Variants in CBLB observed in about 807,000 individuals in gnomAD.
The protein encoded by CBLB is E3 ubiquitin-protein ligase CBL-B.
Under a neutral mutation model 104.9 loss-of-function variants are expected in CBLB, and 31 were observed. That is an observed-to-expected ratio of 0.30 (90% CI 0.22 to 0.40). The LOEUF (loss-of-function observed/expected upper bound fraction) is 0.40. CBLB is among the 10% of genes least tolerant of loss of function. The probability of loss-of-function intolerance (pLI) is 1.00; values close to 1 mark genes in which losing one functional copy is unlikely to be tolerated. For synonymous variants in CBLB, 440 were observed against 422.6 expected (o/e 1.04, Z -0.51); for missense variants, 1,062 against 1,214.6 (o/e 0.87, Z 1.87).
At chr3:105,749,221 T>G (rs1412200142) in intron 5 of CBLB, among the ~76,000 whole-genome samples, 2 of 152,166 alleles carry the variant, frequency 1.3e-5, no homozygotes, top group African/African-American at 4.8e-5. Context: ...TAGAAATAAA[T>G]GGAATGATGA....
chr3:105,698,023 A>AT (rs1366647466), intron 12 of CBLB, among the ~76,000 whole-genome samples: 1 of 152,210 alleles, frequency 6.6e-6, no homozygotes, highest in East Asian at 1.9e-4. Context: ...GGTGACTAAA[A>AT]TCTGAGACTT....
chr3:105,667,072 A>G (rs1369414324), intron 18 of CBLB, among the ~76,000 whole-genome samples: 1 of 152,242 alleles, frequency 6.6e-6, no homozygotes, highest in Non-Finnish European at 1.5e-5. Flanking sequence ...ATTCTCCTTT[A>G]AGCTAGTAAA....
At chr3:105,666,860 C>T (rs2064524397) in intron 18 of CBLB, among the ~76,000 whole-genome samples, 1 of 152,008 alleles carries the variant, frequency 6.6e-6, no homozygotes, top group Non-Finnish European at 1.5e-5. Flanking sequence ...GTCTGTAAGC[C>T]CCAGTATTTC....
intron 12 of CBLB, among the ~76,000 whole-genome samples, chr3:105,696,426 TACA>T: frequency 6.6e-6 from 1 of 151,798 alleles, no homozygotes; most frequent in Non-Finnish European, 1.5e-5. Context: ...CCTGAGTGAG[TACA>T]ATAAATCACA....
At position 105,745,990 on chromosome 3, in the gene CBLB, G is replaced by A. The variant is rs1239728667; in HGVS notation, c.772C>T (p.Pro258Ser). Residue 258 changes from proline to serine, a missense_variant, in exon 6 of 19, where the codon CCA becomes TCA. Around this residue, in one of 2 missense-constraint regions of CBLB, gnomAD observed 457 missense variants for 632.0 expected, o/e 0.72. Coordinates refer to ENST00000394030, the MANE Select transcript of CBLB (RefSeq NM_170662.5). Reference sequence around the variant, plus strand: ...TATGTGAGAAATGCCATGTAACCTGGATGTGTCACAGCTAAGAAATTCCAA... The same window carrying A: ...TATGTGAGAAATGCCATGTAACCTGAATGTGTCACAGCTAAGAAATTCCAA... Reference protein sequence around the residue: ...RNWNFLAVTHPGYMAFLTYDE... With the variant: ...RNWNFLAVTHSGYMAFLTYDE... 1 of 1,609,820 alleles carries A rather than the reference G, an allele frequency of 6.2e-7. No individual in the cohort carries two copies. The highest frequency in any genetic ancestry group is 1.7e-5 in the Admixed American group (1 of 60,008).
At chr3:105,712,739 T>C (rs1479171166) in intron 10 of CBLB, among the ~76,000 whole-genome samples, 3 of 152,346 alleles carry the variant, frequency 2.0e-5, no homozygotes, top group East Asian at 1.9e-4. Context: ...ACTTGAAGCA[T>C]GGTTTAACAG....
At chr3:105,668,639 T>C (rs532177111) in intron 18 of CBLB, among the ~76,000 whole-genome samples, 1 of 152,306 alleles carries the variant, frequency 6.6e-6, no homozygotes, top group Non-Finnish European at 1.5e-5. Flanking sequence ...CATGGATACA[T>C]ATGAAACCTT....
At chr3:105,857,746 G>C in intron 2 of CBLB, among the ~76,000 whole-genome samples, 1 of 152,052 alleles carries the variant, frequency 6.6e-6, no homozygotes, top group Non-Finnish European at 1.5e-5. Flanking sequence ...CATTTATGTG[G>C]CAGGCATTGT....
At chr3:105,858,828 C>G (rs907858424) in intron 2 of CBLB, among the ~76,000 whole-genome samples, 23 of 152,054 alleles carry the variant, frequency 1.5e-4, no homozygotes, top group Admixed American at 2.6e-4. Flanking sequence ...GTCTCCATAC[C>G]AATATACAAC....
chr3:105,859,695 C>T (rs1213394030), intron 2 of CBLB, among the ~76,000 whole-genome samples: 2 of 151,134 alleles, frequency 1.3e-5, no homozygotes, highest in Non-Finnish European at 1.5e-5. Flanking sequence ...AAGCCCTGTC[C>T]TCCTCCTATA....
At chr3:105,684,520 C>T (rs1295091573) in intron 14 of CBLB, among the ~76,000 whole-genome samples, 2 of 150,808 alleles carry the variant, frequency 1.3e-5, no homozygotes, top group South Asian at 2.1e-4. Context: ...GAATAAGCCA[C>T]AAAAGTAAGG....
At chr3:105,661,947 A>T (rs1341361166) in intron 18 of CBLB, among the ~76,000 whole-genome samples, 1 of 152,192 alleles carries the variant, frequency 6.6e-6, no homozygotes, top group Non-Finnish European at 1.5e-5. Flanking sequence ...AATGCTATAA[A>T]CCAGCAATTA....
rs777916282 is a variant in CBLB, at chr3:105,734,189, C to T, written c.1072-49G>A. 7.5e-6 allele frequency: 12 copies of T among 1,592,696 alleles called. No homozygotes were observed. In the Admixed American group the frequency reaches 1.0e-4, roughly 13 times the overall value. ...AAGTAATGTTAATGTATTTCCAGCA[C>T]AAATTGTTAGTATCAAATTTTCCCA... On this transcript the variant is annotated intron_variant, in intron 8 of 18. Coordinates refer to ENST00000394030, the MANE Select transcript of CBLB (RefSeq NM_170662.5).
At chr3:105,785,181 CAAATA>C (rs1485483404) in intron 3 of CBLB, among the ~76,000 whole-genome samples, 2 of 152,074 alleles carry the variant, frequency 1.3e-5, no homozygotes, top group African/African-American at 2.4e-5. Context: ...AAATAGCTAT[CAAATA>C]AAAGTTTGTT....
intron 18 of CBLB, among the ~76,000 whole-genome samples, chr3:105,662,131 ACCAT>A (rs1442213316): frequency 1.3e-5 from 2 of 152,210 alleles, no homozygotes; most frequent in African/African-American, 4.8e-5. Flanking sequence ...TTCCACACTG[ACCAT>A]TAGAGCAAAT....
chr3:105,687,401 G>C (rs115368267), intron 13 of CBLB, among the ~76,000 whole-genome samples: 77 of 152,070 alleles, frequency 5.1e-4, no homozygotes, highest in African/African-American at 1.8e-3. Context: ...AGAATTTCTC[G>C]AGTAATTTCC....
chr3:105,797,874 T>C (rs1382580454), intron 3 of CBLB, among the ~76,000 whole-genome samples: 2 of 152,196 alleles, frequency 1.3e-5, no homozygotes, highest in Non-Finnish European at 2.9e-5. Context: ...AGGAGAATAA[T>C]GAGAAGTGGA....
At chr3:105,735,639 A>G (rs17202348) in intron 8 of CBLB, among the ~76,000 whole-genome samples, 32,794 of 152,164 alleles carry the variant, frequency 0.22, 3,672 homozygotes, top group Admixed American at 0.26. Context: ...TAAAATGGCA[A>G]TCATATATTA....
chr3:105,666,707 A>G (rs78258021), intron 18 of CBLB, among the ~76,000 whole-genome samples: 2,671 of 152,222 alleles, frequency 0.018, 69 homozygotes, highest in African/African-American at 0.06. Flanking sequence ...AATACTGCCT[A>G]TAGAAGGACA....
Sources: allele counts gnomAD v4.1 joint callset (sites outside exome capture counted in the v4.1 genomes callset), GRCh38; gene constraint gnomAD v4.1.1; regional missense constraint gnomAD v4.1.1; transcripts MANE v1.5; gene names NCBI Gene and HGNC (gene_info 2026-07-23, HGNC 2026-07-21).